KMO: variants seen among roughly 807,000 people sequenced by gnomAD.
KMO encodes kynurenine 3-hydroxylase.
In KMO, 24 loss-of-function variants were observed where a neutral mutation model predicts 57.8. The observed-to-expected ratio is 0.42, with a 90% CI of 0.30 to 0.58. The LOEUF (loss-of-function observed/expected upper bound fraction) is 0.58. KMO is among the 20% of genes least tolerant of loss of function. KMO has a pLI of 0.22. For synonymous variants in KMO, 210 were observed against 193.6 expected (o/e 1.08, Z -0.70); for missense variants, 483 against 588.2 (o/e 0.82, Z 1.85).
At chr1:241,580,958 C>T (rs1662726209) in intron 10 of KMO, among the ~76,000 whole-genome samples, 1 of 151,174 alleles carries the variant, frequency 6.6e-6, no homozygotes, top group South Asian at 2.1e-4. Context: ...GTATTGGGGT[C>T]TATCACTGTC....
chr1:241,576,225 T>C (rs1424385194), intron 10 of KMO, among the ~76,000 whole-genome samples: 1 of 152,058 alleles, frequency 6.6e-6, no homozygotes, highest in African/African-American at 2.4e-5. Flanking sequence ...TGACAATCTA[T>C]ATTTTTTAAG....
Position 241,593,496 on chromosome 1 carries a change from C to A in KMO, c.*1343C>A. The A allele has an allele frequency of 3.2e-6, 1 of 308,820 alleles. No individual in the cohort carries two copies. The highest frequency in any genetic ancestry group is 7.5e-6 in the Non-Finnish European group (1 of 132,866). The allele number at this position is 308,820 out of a possible 1,614,324, so 19.1% of individuals were successfully genotyped here. ...TTCTTTTCTATATTGTCAATGAAAA[C>A]CTTGAGTTCTAATAATCCATGTTCA... is the stretch of plus-strand genomic sequence containing the variant. On this transcript the variant is annotated 3_prime_UTR_variant, in exon 15 of 15. Transcript: ENST00000366559.
At chr1:241,571,183 G>C (rs1253249146) in intron 10 of KMO, among the ~76,000 whole-genome samples, 2 of 49,794 alleles carry the variant, frequency 4.0e-5, no homozygotes. Context: ...TTTTGGTGGA[G>C]TCTTTAGGTT....
chr1:241,592,284 G>A lies in KMO; in HGVS notation c.*131G>A. ...TCTGCTTATAATTAAACTGAATGTAGAGTATCTCTGTATGTTAATTGCAAT... is the reference window on the plus strand; with the variant it reads ...TCTGCTTATAATTAAACTGAATGTAAAGTATCTCTGTATGTTAATTGCAAT... On this transcript the variant is annotated 3_prime_UTR_variant, in exon 15 of 15. Transcript: ENST00000366559. The A allele has an allele frequency of 1.5e-6, 1 of 680,580 alleles. No homozygotes were observed. The highest frequency in any genetic ancestry group is 2.5e-6 in the Non-Finnish European group (1 of 399,774). The allele number at this position is 680,580 out of a possible 1,614,324, so 42.2% of individuals were successfully genotyped here. A position where few individuals can be genotyped will look rare whatever the true frequency, so the allele number is the denominator to read the frequency against.
intron 4 of KMO, 45 bp downstream of exon 4, chr1:241,551,089 C>T: frequency 1.8e-6 from 2 of 1,107,058 alleles, no homozygotes; most frequent in Non-Finnish European, 2.7e-6. Context: ...ATAAGGAAGT[C>T]AAAGTCTGGA....
In KMO at chr1:241,566,565, A is replaced by T. The variant is rs1378702285; in HGVS notation, c.762A>T (p.Val254=). Residue 254 remains valine (V), a synonymous_variant, in exon 9 of 15, where the codon GTA becomes GTT. Coordinates refer to ENST00000366559, the MANE Select transcript of KMO (RefSeq NM_003679.5). ...AACTTCTAACCAGTAATGATGTGGT[A>T]GATTTCTTCCAGAAATACTTTCCGG... ...FEKLLTSNDV[V]DFFQKYFPDA... is the part of the protein sequence containing the mutation. 1.9e-6 allele frequency: 3 copies of T among 1,613,516 alleles called. No homozygotes were observed. Among genetic ancestry groups the T allele is most frequent in the Non-Finnish European group, 2.5e-6 (3 of 1,179,550 alleles).
rs766762366 is a variant in KMO, at chr1:241,548,904, T to A, written c.124+6T>A. Reference sequence around the variant, plus strand: ...TGTATATGAAGCTAGGGAAGGTACGTCCATGGTGAAAAAAGCAGGATGAAC... The same window carrying A: ...TGTATATGAAGCTAGGGAAGGTACGACCATGGTGAAAAAAGCAGGATGAAC... On this transcript the variant is annotated splice_donor_region_variant and intron_variant, in intron 2 of 14. Transcript: ENST00000366559. 4 of 1,596,828 alleles carry A rather than the reference T, an allele frequency of 2.5e-6. No homozygotes were observed. The African/African-American group carries it at 5.4e-5, about 21-fold the overall frequency.
chr1:241,578,384 C>A (rs1662611707), intron 10 of KMO, among the ~76,000 whole-genome samples: 1 of 152,132 alleles, frequency 6.6e-6, no homozygotes, highest in African/African-American at 2.4e-5. Context: ...TCTTTTGTCC[C>A]ATGGCATGTT....
intron 8 of KMO, 86 bp from the exon 9 acceptor site, chr1:241,566,405 A>G: frequency 2.9e-6 from 4 of 1,384,196 alleles, no homozygotes; most frequent in Non-Finnish European, 3.9e-6. Context: ...TGGTCACAGC[A>G]AGAAGTCTTG....
intron 1 of KMO, among the ~76,000 whole-genome samples, chr1:241,535,102 A>G (rs985007953): frequency 3.3e-5 from 5 of 152,102 alleles, no homozygotes; most frequent in Non-Finnish European, 5.9e-5. Context: ...GAATGAGAAA[A>G]CTTAATGATA....
intron 1 of KMO, among the ~76,000 whole-genome samples, chr1:241,534,882 A>G (rs6687609): frequency 0.081 from 12,401 of 152,228 alleles, 879 homozygotes; most frequent in African/African-American, 0.19. Flanking sequence ...TGTCTGAACT[A>G]AGCCTATCTG....
chr1:241,560,595 A>G, intron 5 of KMO, 70 bp from the exon 6 acceptor site: 1 of 1,095,430 alleles, frequency 9.1e-7, no homozygotes, highest in Non-Finnish European at 1.4e-6. Flanking sequence ...AACAATTACT[A>G]TTTCAATTTG....
chr1:241,581,827 A>C lies in KMO; in HGVS notation c.958-4852A>C, dbSNP rs73136872. On this transcript the variant is annotated intron_variant, in intron 10 of 14. Transcript: ENST00000366559. ...ACTGCAGTTACAGTGTTAATAGTAT[A>C]CTGTATTTGTCTGTATACTTACTAT... Among the ~76,000 whole-genome samples, 1,440 of 152,246 alleles carry C rather than the reference A, an allele frequency of 9.5e-3. 17 individuals carry two copies. The highest frequency in any genetic ancestry group is 0.031 in the African/African-American group (1,306 of 41,566).
In KMO at chr1:241,573,612, C is replaced by A. The variant is rs1187243577; in HGVS notation, c.957+4965C>A. Among the ~76,000 whole-genome samples, 3 of 152,076 alleles carry A rather than the reference C, an allele frequency of 2.0e-5. 1 individual carries two copies. Among genetic ancestry groups the A allele is most frequent in the Non-Finnish European group, 4.4e-5 (3 of 67,998 alleles). On this transcript the variant is annotated intron_variant, in intron 10 of 14. Coordinates refer to ENST00000366559, the MANE Select transcript of KMO (RefSeq NM_003679.5). ...GTACTTGGCTTTATTTCTGGGTTAT[C>A]TATTCTGTTCCATTGGTCTATCTGT...
intron 9 of KMO, 69 bp downstream of exon 9, chr1:241,566,681 CCTG>C: frequency 6.4e-6 from 10 of 1,552,454 alleles, no homozygotes; most frequent in Non-Finnish European, 8.9e-6. Context: ...AGGTTATGCA[CCTG>C]ATTTCAGTTT....
At chr1:241,544,865 C>T (rs559960263) in intron 1 of KMO, among the ~76,000 whole-genome samples, 1 of 152,184 alleles carries the variant, frequency 6.6e-6, no homozygotes, top group South Asian at 2.1e-4. Flanking sequence ...TATTTTTAAA[C>T]AATCCATGTT....
chr1:241,550,437 T>C (rs1018866849), intron 3 of KMO, among the ~76,000 whole-genome samples: 5 of 152,260 alleles, frequency 3.3e-5, no homozygotes, highest in African/African-American at 9.6e-5. Flanking sequence ...TTTCACTGTC[T>C]ATGTTAGCTT....
At chr1:241,576,132 A>T (rs1025366364) in intron 10 of KMO, among the ~76,000 whole-genome samples, 2 of 150,428 alleles carry the variant, frequency 1.3e-5, no homozygotes, top group Non-Finnish European at 3.0e-5. Context: ...ACACCCCTCT[A>T]CCTTGAGTTT....
intron 10 of KMO, among the ~76,000 whole-genome samples, chr1:241,584,380 A>T (rs1662881819): frequency 6.6e-6 from 1 of 152,250 alleles, no homozygotes; most frequent in Non-Finnish European, 1.5e-5. Context: ...GAGAAATAGG[A>T]ACACTTTCAC....
Sources: gnomAD v4.1 joint callset for allele counts (sites outside exome capture counted in the v4.1 genomes callset) on GRCh38, gnomAD v4.1.1 for gene constraint, MANE v1.5 for transcripts, NCBI Gene and HGNC (gene_info 2026-07-23, HGNC 2026-07-21) for gene names.